Variants in CDH13 observed in about 807,000 individuals in gnomAD.
CDH13 encodes cadherin 13.
CDH13 carries 24 observed loss-of-function variants against 63.8 expected under a neutral mutation model. The ratio of observed to expected loss-of-function variants is 0.38; its 90% CI spans 0.27 to 0.53. The LOEUF (loss-of-function observed/expected upper bound fraction) is 0.53. Among genes scored for constraint, CDH13 ranks in the 20% least tolerant of loss-of-function variants. The pLI is 0.85. For missense variants in CDH13, 1,049 were observed against 903.1 expected, an observed-to-expected ratio of 1.16 and a Z score of -2.07; for synonymous variants, 503 against 355.3, an observed-to-expected ratio of 1.42 and a Z score of -4.67.
intron 3 of CDH13, among the ~76,000 whole-genome samples, chr16:83,081,957 C>T (rs1008166651): frequency 5.9e-5 from 9 of 152,040 alleles, no homozygotes; most frequent in Non-Finnish European, 1.0e-4. Flanking sequence ...TGCGCCACCA[C>T]GCCCAGCTAA....
Position 83,780,104 on chromosome 16 carries a change from A to G in CDH13, c.1818A>G (p.Ala606=), listed in dbSNP as rs766980992. Residue 606 remains alanine (A), a synonymous_variant, in exon 12 of 14, where the codon GCA becomes GCG. Transcript: ENST00000567109. ...AKNLSVVILG[A]SDKDLHPNTD... ...ACCTCAGTGTAGTCATTTTGGGAGCATCAGATAAGGATCTTCACCCGAATA... is the reference window on the plus strand; with the variant it reads ...ACCTCAGTGTAGTCATTTTGGGAGCGTCAGATAAGGATCTTCACCCGAATA... 1 of 1,613,880 alleles carries G rather than the reference A, an allele frequency of 6.2e-7. No individual in the cohort carries two copies. Among genetic ancestry groups the G allele is most frequent in the Non-Finnish European group, 8.5e-7 (1 of 1,179,828 alleles).
chr16:83,122,469 A>C (rs562579514), intron 3 of CDH13, among the ~76,000 whole-genome samples: 110 of 152,366 alleles, frequency 7.2e-4, no homozygotes, highest in African/African-American at 2.6e-3. Flanking sequence ...GTGTCACTCC[A>C]ATAACTGAAC....
intron 5 of CDH13, among the ~76,000 whole-genome samples, chr16:83,317,674 C>A (rs921632189): frequency 2.6e-5 from 4 of 152,068 alleles, no homozygotes; most frequent in Admixed American, 6.5e-5. Context: ...GTGGCATGCA[C>A]CTGTAATCCC....
At chr16:83,169,091 T>C (rs755517682) in intron 4 of CDH13, among the ~76,000 whole-genome samples, 14 of 152,114 alleles carry the variant, frequency 9.2e-5, no homozygotes, top group Non-Finnish European at 1.9e-4. Flanking sequence ...TATCAAACTT[T>C]TTTGCAAAGA....
rs1485132081 is a variant in CDH13, at chr16:83,097,664, T to C, written c.367-27721T>C. Among the ~76,000 whole-genome samples, 6 of 152,150 alleles carry C rather than the reference T, an allele frequency of 3.9e-5. No homozygotes were observed. In the South Asian group the frequency reaches 1.0e-3, roughly 26 times the overall value. ...GAAGAGGCAGCATCTTTAGAGTTTATGTGGGAAGTGCACTCTAGGTAAGAC... is the reference window on the plus strand; with the variant it reads ...GAAGAGGCAGCATCTTTAGAGTTTACGTGGGAAGTGCACTCTAGGTAAGAC... On this transcript the variant is annotated intron_variant, in intron 3 of 13. Coordinates refer to ENST00000567109, the MANE Select transcript of CDH13 (RefSeq NM_001257.5).
At chr16:82,740,293 A>C (rs149031112) in intron 1 of CDH13, among the ~76,000 whole-genome samples, 2 of 152,178 alleles carry the variant, frequency 1.3e-5, no homozygotes, top group Non-Finnish European at 2.9e-5. Flanking sequence ...CTCATCAGCA[A>C]CTTCCAGTTG....
intron 1 of CDH13, among the ~76,000 whole-genome samples, chr16:82,693,511 C>G (rs182505963): frequency 1.0e-3 from 154 of 152,286 alleles, no homozygotes; most frequent in African/African-American, 3.5e-3. Context: ...CATTTAGTTA[C>G]TCGCTCTCCC....
intron 11 of CDH13, among the ~76,000 whole-genome samples, chr16:83,751,451 C>T (rs915805900): frequency 6.6e-6 from 1 of 152,048 alleles, no homozygotes; most frequent in African/African-American, 2.4e-5. Context: ...AATATACCTC[C>T]CCTCCACAAA....
chr16:83,028,423 C>A (rs1424043336), intron 2 of CDH13, among the ~76,000 whole-genome samples: 2 of 152,128 alleles, frequency 1.3e-5, no homozygotes, highest in Non-Finnish European at 2.9e-5. Context: ...AGCCTTAGAA[C>A]CTTTGCAGAG....
At chr16:82,903,590 T>C (rs985701634) in intron 2 of CDH13, among the ~76,000 whole-genome samples, 5 of 152,240 alleles carry the variant, frequency 3.3e-5, no homozygotes, top group Admixed American at 6.5e-5. Flanking sequence ...TTTATTCTGG[T>C]GTTTTAGTCG....
At chr16:83,203,235 C>T (rs1477138437) in intron 4 of CDH13, among the ~76,000 whole-genome samples, 1 of 151,856 alleles carries the variant, frequency 6.6e-6, no homozygotes, top group Non-Finnish European at 1.5e-5. Context: ...AAAAAACAAA[C>T]AAACAAAAAC....
intron 1 of CDH13, among the ~76,000 whole-genome samples, chr16:82,670,803 C>T (rs1292626464): frequency 6.6e-6 from 1 of 152,174 alleles, no homozygotes; most frequent in African/African-American, 2.4e-5. Context: ...CATAATGTTG[C>T]ATATCATTTC....
At chr16:83,480,763 G>A (rs528307024) in intron 6 of CDH13, among the ~76,000 whole-genome samples, 2 of 152,112 alleles carry the variant, frequency 1.3e-5, no homozygotes, top group Non-Finnish European at 2.9e-5. Context: ...GAACCAGGAG[G>A]CCCCAAACCC....
At chr16:83,716,805 T>G (rs187132198) in intron 10 of CDH13, among the ~76,000 whole-genome samples, 1 of 152,332 alleles carries the variant, frequency 6.6e-6, no homozygotes, top group East Asian at 1.9e-4. Flanking sequence ...GATTGTTTAC[T>G]TGGGTAGGTA....
In CDH13 at chr16:82,678,553, C is replaced by T. The variant is rs536346981; in HGVS notation, c.45+51416C>T. On this transcript the variant is annotated intron_variant, in intron 1 of 13. Transcript: ENST00000567109. ...TTCTTGAATGAAACAAAGCCTTCTC[C>T]GGATGAGGAAGCTTGTCAGAAGCTT... Among the ~76,000 whole-genome samples the T allele has an allele frequency of 4.9e-4, 74 of 152,120 alleles. 3 individuals carry two copies. Among genetic ancestry groups the T allele is most frequent in the South Asian group, 8.3e-4 (4 of 4,828 alleles).
chr16:83,237,735 T>C (rs902127528), intron 5 of CDH13, among the ~76,000 whole-genome samples: 2 of 152,180 alleles, frequency 1.3e-5, no homozygotes, highest in South Asian at 2.1e-4. Context: ...TCGTGAACTT[T>C]AGTTCCTCAT....
intron 1 of CDH13, among the ~76,000 whole-genome samples, chr16:82,777,776 G>A (rs2035565141): frequency 2.6e-5 from 4 of 152,170 alleles, no homozygotes; most frequent in Admixed American, 2.6e-4. Context: ...TCATTCATGG[G>A]ATTGCTGGCA....
chr16:83,209,018 C>T (rs1451186911), intron 4 of CDH13, among the ~76,000 whole-genome samples: 3 of 152,122 alleles, frequency 2.0e-5, no homozygotes, highest in Non-Finnish European at 4.4e-5. Context: ...TGGGGATGTT[C>T]TGCTGAACCC....
intron 5 of CDH13, among the ~76,000 whole-genome samples, chr16:83,337,137 A>G (rs955251374): frequency 2.0e-5 from 3 of 152,198 alleles, no homozygotes; most frequent in Admixed American, 6.5e-5. Flanking sequence ...CGTACAGCCA[A>G]TTCCTATTAG....
Sources: gnomAD v4.1 joint callset for allele counts (sites outside exome capture counted in the v4.1 genomes callset) on GRCh38, gnomAD v4.1.1 for gene constraint, MANE v1.5 for transcripts, NCBI Gene and HGNC (gene_info 2026-07-23, HGNC 2026-07-21) for gene names.